Variants in DNMT3A observed in about 807,000 individuals in gnomAD.
DNMT3A encodes DNA (cytosine-5)-methyltransferase 3A.
Under a neutral mutation model 117.6 loss-of-function variants are expected in DNMT3A, and 267 were observed. The observed-to-expected ratio is 2.27, with a 90% CI of 2.05 to 2.51. The LOEUF (loss-of-function observed/expected upper bound fraction) is 2.51, where lower values mean the gene tolerates loss of function less well. Among genes scored for constraint, DNMT3A ranks in the 30% most tolerant of loss-of-function variants. The probability of loss-of-function intolerance (pLI) is 0.00; values close to 1 mark genes in which losing one functional copy is unlikely to be tolerated. For missense variants in DNMT3A, 1,029 were observed against 1,260.2 expected, an observed-to-expected ratio of 0.82 and a Z score of 2.78; for synonymous variants, 432 against 474.8, an observed-to-expected ratio of 0.91 and a Z score of 1.17.
At chr2:25,317,035 T>G (rs1347304082) in intron 1 of DNMT3A, among the ~76,000 whole-genome samples, 1 of 152,232 alleles carries the variant, frequency 6.6e-6, no homozygotes, top group African/African-American at 2.4e-5. Context: ...CACTACCTTC[T>G]AAACTCAATG....
chr2:25,288,227 G>A (rs1298067827), intron 3 of DNMT3A, among the ~76,000 whole-genome samples: 2 of 150,090 alleles, frequency 1.3e-5, no homozygotes, highest in Non-Finnish European at 3.0e-5. Flanking sequence ...GAGGTCAGCA[G>A]ATTGAGACCA....
At chr2:25,324,523 C>T (rs967681333) in intron 1 of DNMT3A, among the ~76,000 whole-genome samples, 2 of 152,264 alleles carry the variant, frequency 1.3e-5, no homozygotes, top group South Asian at 2.1e-4. Context: ...AGATAACAGT[C>T]CCATGGCTAA....
intron 1 of DNMT3A, among the ~76,000 whole-genome samples, chr2:25,317,732 T>C (rs889202470): frequency 6.6e-6 from 1 of 151,948 alleles, no homozygotes; most frequent in Non-Finnish European, 1.5e-5. Flanking sequence ...GAGAGGAAGG[T>C]TATTTATTTA....
chr2:25,235,455 G>C (rs183455534), intron 22 of DNMT3A, among the ~76,000 whole-genome samples: 2 of 152,278 alleles, frequency 1.3e-5, no homozygotes, highest in East Asian at 3.9e-4. Flanking sequence ...AAAGTGCTGG[G>C]ATTATAGGCA....
intron 1 of DNMT3A, among the ~76,000 whole-genome samples, chr2:25,315,670 A>C (rs1573485341): frequency 6.6e-6 from 1 of 152,176 alleles, no homozygotes; most frequent in East Asian, 1.9e-4. Context: ...CAAGGCCAGG[A>C]CCCATCAGAG....
intron 1 of DNMT3A, among the ~76,000 whole-genome samples, chr2:25,334,100 G>A (rs2035117222): frequency 2.6e-5 from 4 of 152,204 alleles, no homozygotes; most frequent in Admixed American, 6.5e-5. Flanking sequence ...AAAGTGCACA[G>A]ACCCTTCCCA....
rs2034630595 is a variant in DNMT3A, at chr2:25,322,426, A to G, written c.-177-8265T>C. Among the ~76,000 whole-genome samples the G allele has an allele frequency of 2.6e-5, 4 of 152,074 alleles. No homozygotes were observed. In the South Asian group the frequency reaches 8.3e-4, roughly 32 times the overall value. On this transcript the variant is annotated intron_variant, in intron 1 of 22. Coordinates refer to ENST00000321117, the MANE Select transcript of DNMT3A (RefSeq NM_022552.5). ...CACACCCACACAGAGTTCCATCACC[A>G]GCTACAACACTGGTACCTCCCTCTC...
intron 2 of DNMT3A, among the ~76,000 whole-genome samples, chr2:25,310,629 ACT>A (rs2034061610): frequency 6.6e-6 from 1 of 151,686 alleles, no homozygotes; most frequent in African/African-American, 2.4e-5. Context: ...GGTCTTGGCT[ACT>A]CTCATTTTTC....
chr2:25,282,095 G>T lies in DNMT3A; in HGVS notation c.448+346C>A. ...AGCCACAGAAGGCGATGGAGGGACC[G>T]CCATTATCCCAGTCTAGCAATCGTT... On this transcript the variant is annotated intron_variant, in intron 4 of 22. Coordinates refer to ENST00000321117, the MANE Select transcript of DNMT3A (RefSeq NM_022552.5). The surrounding 1 kb of genome is among the most constrained non-coding windows in gnomAD (Gnocchi z 5.2). 1 of 1,122,106 alleles carries T rather than the reference G, an allele frequency of 8.9e-7. No individual in the cohort carries two copies. Among genetic ancestry groups the T allele is most frequent in the Non-Finnish European group, 1.1e-6 (1 of 883,502 alleles). 69.5% of individuals were successfully genotyped at this position (1,122,106 alleles called of 1,614,324 possible). A position where few individuals can be genotyped will look rare whatever the true frequency, so the allele number is the denominator to read the frequency against.
At chr2:25,275,361 G>T in intron 5 of DNMT3A, 139 bp downstream of exon 5, 2 of 1,304,594 alleles carry the variant, frequency 1.5e-6, no homozygotes, top group South Asian at 1.4e-5. Context: ...CAACCTCCAC[G>T]CCCACTTCCT....
chr2:25,274,518 C>T (rs1418041845), intron 6 of DNMT3A, among the ~76,000 whole-genome samples: 2 of 152,198 alleles, frequency 1.3e-5, no homozygotes, highest in African/African-American at 2.4e-5. Flanking sequence ...GGTGCTGTTT[C>T]CTCTGCCTAG....
At chr2:25,263,875 C>T (rs1188990589) in intron 6 of DNMT3A, among the ~76,000 whole-genome samples, 3 of 152,198 alleles carry the variant, frequency 2.0e-5, no homozygotes, top group African/African-American at 7.2e-5. Flanking sequence ...TTCCCTGAGG[C>T]CCTTAGGCAG....
intron 6 of DNMT3A, among the ~76,000 whole-genome samples, chr2:25,271,024 CAAAA>C (rs1171506586): frequency 6.6e-6 from 1 of 151,374 alleles, no homozygotes; most frequent in Non-Finnish European, 1.5e-5. Flanking sequence ...AACTCCGTCT[CAAAA>C]AAACAAAAAC....
chr2:25,332,261 G>A (rs1473208619), intron 1 of DNMT3A, among the ~76,000 whole-genome samples: 2 of 152,182 alleles, frequency 1.3e-5, no homozygotes. Flanking sequence ...TCCCTACACT[G>A]CAGCCACATG....
chr2:25,341,946 C>CGCCT (rs1398279284), upstream of DNMT3A: 28 of 965,110 alleles, frequency 2.9e-5, no homozygotes, highest in African/African-American at 5.4e-5. Flanking sequence ...CCTCCCGGCC[C>CGCCT]GCCTGCCTGC....
At chr2:25,315,205 C>T (rs1228674293) in intron 1 of DNMT3A, among the ~76,000 whole-genome samples, 1 of 152,224 alleles carries the variant, frequency 6.6e-6, no homozygotes, top group Non-Finnish European at 1.5e-5. Context: ...TCCCATCCCC[C>T]TCCAGTCAGG....
In DNMT3A at chr2:25,313,358, G is replaced by GCC. The variant is rs1383887205; in HGVS notation, c.72+554_72+555insGG. On this transcript the variant is annotated intron_variant, in intron 2 of 22. Coordinates refer to ENST00000321117, the MANE Select transcript of DNMT3A (RefSeq NM_022552.5). ...CAGCGACATTCACCTGGAGTCTGGG[G>GCC]TGGGGGGCGGGGACAGGAAATCACC... is the stretch of plus-strand genomic sequence containing the variant. 2.1e-5 allele frequency among the ~76,000 whole-genome samples: 3 copies of GCC among 141,472 alleles called. No individual in the cohort carries two copies. In the East Asian group the frequency reaches 7.4e-4, roughly 35 times the overall value. The allele number at this position is 141,472 out of a possible 152,430, so 92.8% of individuals were successfully genotyped here.
chr2:25,321,409 C>T (rs2034592258), intron 1 of DNMT3A, among the ~76,000 whole-genome samples: 1 of 152,214 alleles, frequency 6.6e-6, no homozygotes, highest in Non-Finnish European at 1.5e-5. Flanking sequence ...TCTTCTGCTT[C>T]CATCTTTCAC....
chr2:25,334,393 T>A (rs1355798625), intron 1 of DNMT3A, among the ~76,000 whole-genome samples: 1 of 152,206 alleles, frequency 6.6e-6, no homozygotes, highest in Admixed American at 6.5e-5. Flanking sequence ...TTCTACCCCT[T>A]CGTGGGGCCT....
Sources: allele counts gnomAD v4.1 joint callset (sites outside exome capture counted in the v4.1 genomes callset), GRCh38; gene constraint gnomAD v4.1.1; non-coding constraint Gnocchi (gnomAD v3.1); transcripts MANE v1.5; gene names NCBI Gene and HGNC (gene_info 2026-07-23, HGNC 2026-07-21).